ENTPD4: variants seen among roughly 807,000 people sequenced by gnomAD.
ENTPD4 encodes the protein ectonucleoside triphosphate diphosphohydrolase 4, also known as Golgi UDPase.
A neutral mutation model predicts 79.1 loss-of-function variants in ENTPD4; 60 were observed. The ratio of observed to expected loss-of-function variants is 0.76; its 90% CI spans 0.62 to 0.94. The LOEUF (loss-of-function observed/expected upper bound fraction) is 0.94. ENTPD4 is among the 40% of genes least tolerant of loss of function. The pLI is 0.00. For synonymous variants in ENTPD4, 276 were observed against 292.0 expected, an observed-to-expected ratio of 0.95 and a Z score of 0.56; for missense variants, 772 against 775.1, an observed-to-expected ratio of 1.00 and a Z score of 0.05.
intron 5 of ENTPD4, 52 bp downstream of exon 5, chr8:23,444,404 C>T (rs368485578): frequency 6.5e-7 from 1 of 1,548,268 alleles, no homozygotes; most frequent in Non-Finnish European, 8.9e-7. Flanking sequence ...AAGAACACCC[C>T]CTCTCCCCTC....
chr8:23,446,809 A>C (rs763554992), intron 4 of ENTPD4, among the ~76,000 whole-genome samples: 1 of 152,170 alleles, frequency 6.6e-6, no homozygotes, highest in Non-Finnish European at 1.5e-5. Context: ...ATATTCTTTT[A>C]AATTTTATTT....
At chr8:23,443,269 C>T (rs1340755752) in intron 6 of ENTPD4, among the ~76,000 whole-genome samples, 1 of 152,136 alleles carries the variant, frequency 6.6e-6, no homozygotes, top group Admixed American at 6.5e-5. Flanking sequence ...CTGTGTAGCT[C>T]AATTGTCTGT....
At position 23,432,889 on chromosome 8, in the gene ENTPD4, C is replaced by T. The variant is rs1331776895; in HGVS notation, c.*37G>A. Reference sequence around the variant, plus strand: ...AGGAGAAACCCTGAGGCAAAAATGGCTTTTCCTTTTGAGTCTTCGTGGAGC... The same window carrying T: ...AGGAGAAACCCTGAGGCAAAAATGGTTTTTCCTTTTGAGTCTTCGTGGAGC... On this transcript the variant is annotated 3_prime_UTR_variant, in exon 13 of 13. Transcript: ENST00000358689. 1.3e-6 allele frequency: 2 copies of T among 1,512,932 alleles called. No homozygotes were observed. Among genetic ancestry groups the T allele is most frequent in the African/African-American group, 1.4e-5 (1 of 71,642 alleles). The allele number at this position is 1,512,932 out of a possible 1,614,324, so 93.7% of individuals were successfully genotyped here.
chr8:23,442,842 C>T (rs1800698414), intron 6 of ENTPD4, among the ~76,000 whole-genome samples: 1 of 152,148 alleles, frequency 6.6e-6, no homozygotes, highest in African/African-American at 2.4e-5. Flanking sequence ...TCTGCTGCAA[C>T]CTGCTCTACT....
Position 23,447,768 on chromosome 8 carries a change from T to C in ENTPD4, c.324A>G (p.Pro108=), listed in dbSNP as rs958446263. 6 of 1,614,204 alleles carry C rather than the reference T, an allele frequency of 3.7e-6. No homozygotes were observed. The highest frequency in any genetic ancestry group is 1.7e-5 in the Admixed American group (1 of 60,032). ...GATCATGTGGATTGCCATTATGCCT[T>C]GGCCAGCAGTAAACAAATACTCGAG... is the stretch of plus-strand genomic sequence containing the variant. ...SGSRVFVYCW[P]RHNGNPHDLL... is the part of the protein sequence containing the mutation. The change falls in exon 4 of 13, where the codon CCA becomes CCG. Residue 108 remains proline, a synonymous_variant. Transcript: ENST00000358689.
intron 1 of ENTPD4, among the ~76,000 whole-genome samples, chr8:23,451,389 C>T (rs1373527992): frequency 1.3e-5 from 2 of 152,200 alleles, no homozygotes; most frequent in East Asian, 3.8e-4. Context: ...CTTTCCTTAT[C>T]ATCTTTGCCT....
chr8:23,434,736 G>C (rs762888965), intron 11 of ENTPD4: 9 of 1,287,786 alleles, frequency 7.0e-6, no homozygotes, highest in Non-Finnish European at 8.9e-6. Flanking sequence ...ATATATCCCT[G>C]AGATAGGTTT....
rs567591532 is a variant in ENTPD4 at position 23,430,256 on chromosome 8, T to G, written c.*2670A>C. On this transcript the variant is annotated 3_prime_UTR_variant, in exon 13 of 13. Transcript: ENST00000358689. ...CTCCATACGGCATAATGAACTCCCT[T>G]GAGTGGTCTCTTTTTAAACAATTTT... The G allele has an allele frequency of 8.1e-6, 8 of 985,352 alleles. No homozygotes were observed. The highest frequency in any genetic ancestry group is 9.6e-6 in the Non-Finnish European group (8 of 829,940). 61.0% of individuals were successfully genotyped at this position (985,352 alleles called of 1,614,324 possible).
chr8:23,450,561 CG>C (rs1800841019), intron 1 of ENTPD4, among the ~76,000 whole-genome samples: 1 of 152,198 alleles, frequency 6.6e-6, no homozygotes, highest in Non-Finnish European at 1.5e-5. Context: ...TATCTTTCCT[CG>C]GTCTCACAAA....
At position 23,429,845 on chromosome 8, in the gene ENTPD4, A is replaced by G. The variant is rs1800424993; in HGVS notation, c.*3081T>C. Reference sequence around the variant, plus strand: ...ATGAACATGGGCAAAAAGCACTGGTACAGTTCCATGTGTTTCTCTTCTACT... The same window carrying G: ...ATGAACATGGGCAAAAAGCACTGGTGCAGTTCCATGTGTTTCTCTTCTACT... On this transcript the variant is annotated 3_prime_UTR_variant, in exon 13 of 13. Transcript: ENST00000358689. 7 of 985,356 alleles carry G rather than the reference A, an allele frequency of 7.1e-6. No individual in the cohort carries two copies. Among genetic ancestry groups the G allele is most frequent in the Non-Finnish European group, 8.4e-6 (7 of 829,940 alleles). The allele number at this position is 985,356 out of a possible 1,614,324, so 61.0% of individuals were successfully genotyped here. A position where few individuals can be genotyped will look rare whatever the true frequency, so the allele number is the denominator to read the frequency against.
At chr8:23,439,477 TA>T (rs1585403445) in intron 9 of ENTPD4, among the ~76,000 whole-genome samples, 2 of 152,320 alleles carry the variant, frequency 1.3e-5, no homozygotes, top group East Asian at 3.9e-4. Flanking sequence ...AACTATTCTA[TA>T]GCTTGATGGT....
rs1442996946 is a variant in ENTPD4 at position 23,443,964 on chromosome 8, AT to A, written c.564-12del. The A allele has an allele frequency of 6.4e-7, 1 of 1,550,628 alleles. No individual in the cohort carries two copies. The highest frequency in any genetic ancestry group is 1.4e-5 in the African/African-American group (1 of 73,400). On this transcript the variant is annotated splice_polypyrimidine_tract_variant and intron_variant, in intron 5 of 12. Transcript: ENST00000358689. ...ATAGCTTTCTGCTGGCTGTAAAGTAATAAAAACATTTACAAATCAAAAGATT... is the reference window on the plus strand; with the variant it reads ...ATAGCTTTCTGCTGGCTGTAAAGTAAAAAAACATTTACAAATCAAAAGATT...
rs773371334 is a variant in ENTPD4 at position 23,439,927 on chromosome 8, A to G, written c.883-12T>C. 1 of 1,612,712 alleles carries G rather than the reference A, an allele frequency of 6.2e-7. No homozygotes were observed. On this transcript the variant is annotated splice_polypyrimidine_tract_variant and intron_variant, in intron 8 of 12. Transcript: ENST00000358689. ...TTAGCTACTTCTTCCTGCAGACATA[A>G]GCATAACAAACCTTAATAGCTTAAG...
chr8:23,438,041 T>C (rs986364774), intron 9 of ENTPD4, among the ~76,000 whole-genome samples: 1 of 152,248 alleles, frequency 6.6e-6, no homozygotes, highest in African/African-American at 2.4e-5. Context: ...CAATGGGCTC[T>C]GAGATGCCCT....
Position 23,447,666 on chromosome 8 carries a change from T to A in ENTPD4, c.412+14A>T, listed in dbSNP as rs778709855. On this transcript the variant is annotated intron_variant, in intron 4 of 12. Coordinates refer to ENST00000358689, the MANE Select transcript of ENTPD4 (RefSeq NM_004901.5). ...CACACCCTGGTTACCAGGCAGATGT[T>A]CTCATTTACATACCCGGTTTTATCT... 3 of 1,604,960 alleles carry A rather than the reference T, an allele frequency of 1.9e-6. No individual in the cohort carries two copies. The highest frequency in any genetic ancestry group is 3.3e-5 in the Admixed American group (2 of 60,012).
At position 23,430,320 on chromosome 8, in the gene ENTPD4, T is replaced by A. The variant is rs528280251; in HGVS notation, c.*2606A>T. On this transcript the variant is annotated 3_prime_UTR_variant, in exon 13 of 13. Transcript: ENST00000358689. ...GTTTCTTGGTTTGTTTCAAAACTCA[T>A]CTTGAAAATAATCTAGACGGAAAAA... 1 of 985,466 alleles carries A rather than the reference T, an allele frequency of 1.0e-6. No homozygotes were observed. Among genetic ancestry groups the A allele is most frequent in the East Asian group, 1.1e-4 (1 of 8,814 alleles). 61.0% of individuals were successfully genotyped at this position (985,466 alleles called of 1,614,324 possible).
intron 1 of ENTPD4, 99 bp downstream of exon 1, chr8:23,457,458 G>C (rs1160447073): frequency 6.6e-6 from 1 of 152,106 alleles, no homozygotes. Flanking sequence ...GCTCGTCCGC[G>C]GCCCGCTCGC....
chr8:23,432,806 G>C lies in ENTPD4; in HGVS notation c.*120C>G. 1 of 1,443,996 alleles carries C rather than the reference G, an allele frequency of 6.9e-7. No individual in the cohort carries two copies. Among genetic ancestry groups the C allele is most frequent in the Non-Finnish European group, 9.1e-7 (1 of 1,101,156 alleles). The allele number at this position is 1,443,996 out of a possible 1,614,324, so 89.4% of individuals were successfully genotyped here. A position where few individuals can be genotyped will look rare whatever the true frequency, so the allele number is the denominator to read the frequency against. On this transcript the variant is annotated 3_prime_UTR_variant, in exon 13 of 13. Coordinates refer to ENST00000358689, the MANE Select transcript of ENTPD4 (RefSeq NM_004901.5). ...AGCCACCGCGCTCGGCCTGCATTTT[G>C]TTTTTGTTTGGAGGAACAAAAAAGG...
intron 6 of ENTPD4, among the ~76,000 whole-genome samples, chr8:23,443,335 T>C (rs1023709071): frequency 2.0e-5 from 3 of 152,234 alleles, no homozygotes; most frequent in African/African-American, 7.2e-5. Flanking sequence ...CTCTACAGTC[T>C]CTTTCACATA....
Sources: gnomAD v4.1 joint callset for allele counts (sites outside exome capture counted in the v4.1 genomes callset) on GRCh38, gnomAD v4.1.1 for gene constraint, MANE v1.5 for transcripts, NCBI Gene and HGNC (gene_info 2026-07-23, HGNC 2026-07-21) for gene names.